The following DNAAF4 variants were observed in gnomAD, a reference collection of about 807,000 sequenced individuals.
DNAAF4 encodes dynein axonemal assembly factor 4.
Under a neutral mutation model 51.8 loss-of-function variants are expected in DNAAF4, and 43 were observed. That is an observed-to-expected ratio of 0.83 (90% CI 0.65 to 1.07). The LOEUF (loss-of-function observed/expected upper bound fraction) is 1.07. Among genes scored for constraint, DNAAF4 ranks in the 50% least tolerant of loss-of-function variants. The pLI, the probability that DNAAF4 is intolerant of heterozygous loss-of-function variation, is 0.00. For missense variants in DNAAF4, 581 were observed against 493.0 expected, an observed-to-expected ratio of 1.18 and a Z score of -1.69; for synonymous variants, 194 against 165.6, an observed-to-expected ratio of 1.17 and a Z score of -1.32.
At chr15:55,460,787 C>T (rs1228555410) in intron 5 of DNAAF4, among the ~76,000 whole-genome samples, 6 of 147,400 alleles carry the variant, frequency 4.1e-5, no homozygotes, top group East Asian at 3.9e-4. Flanking sequence ...TTTTTTGAGA[C>T]AGAGCCTCGC....
intron 5 of DNAAF4, among the ~76,000 whole-genome samples, chr15:55,465,391 TATACACAC>T (rs1282715214): frequency 2.0e-5 from 3 of 147,838 alleles, no homozygotes; most frequent in African/African-American, 7.6e-5. Flanking sequence ...ATGGTGTATA[TATACACAC>T]ACACACACAC....
At chr15:55,473,265 ATATATGTG>A (rs2058287530) in intron 4 of DNAAF4, among the ~76,000 whole-genome samples, 2 of 35,716 alleles carry the variant, frequency 5.6e-5, no homozygotes, top group East Asian at 6.3e-3. Flanking sequence ...ATATATGTGT[ATATATGTG>A]TATATATATG....
At chr15:55,486,878 T>C (rs1214651930) in intron 4 of DNAAF4, among the ~76,000 whole-genome samples, 1 of 152,188 alleles carries the variant, frequency 6.6e-6, no homozygotes, top group African/African-American at 2.4e-5. Flanking sequence ...CATTGTATTA[T>C]TAACCTTTCC....
At chr15:55,482,940 C>T (rs1257897909) in intron 4 of DNAAF4, among the ~76,000 whole-genome samples, 1 of 152,142 alleles carries the variant, frequency 6.6e-6, no homozygotes, top group South Asian at 2.1e-4. Context: ...CCCATAAAGA[C>T]TGATGGGCAT....
chr15:55,445,248 C>G lies in DNAAF4; in HGVS notation c.783+4974G>C, dbSNP rs550798103. On this transcript the variant is annotated intron_variant, in intron 6 of 9. Coordinates refer to ENST00000321149, the MANE Select transcript of DNAAF4 (RefSeq NM_130810.4). ...ATTAGGGAGTGGTGATGACTCTTAACGAGCATGCTGCCTTCAAGCGTCTGT... is the reference window on the plus strand; with the variant it reads ...ATTAGGGAGTGGTGATGACTCTTAAGGAGCATGCTGCCTTCAAGCGTCTGT... Among the ~76,000 whole-genome samples the G allele has an allele frequency of 3.4e-3, 522 of 151,940 alleles. 3 individuals carry two copies. Among genetic ancestry groups the G allele is most frequent in the Middle Eastern group, 0.02 (6 of 294 alleles).
At chr15:55,450,562 G>T (rs1331498336) in intron 5 of DNAAF4, among the ~76,000 whole-genome samples, 195 bp from the exon 6 acceptor site, 2 of 152,018 alleles carry the variant, frequency 1.3e-5, no homozygotes, top group African/African-American at 4.8e-5. Flanking sequence ...CTTTATCAAT[G>T]GCCTCAGCTA....
rs916035753 is a variant in DNAAF4, at chr15:55,480,858, C to G, written c.405+10265G>C. 2.0e-5 allele frequency among the ~76,000 whole-genome samples: 3 copies of G among 152,084 alleles called. No homozygotes were observed. In the East Asian group the frequency reaches 5.8e-4, roughly 29 times the overall value. On this transcript the variant is annotated intron_variant, in intron 4 of 9. Coordinates refer to ENST00000321149, the MANE Select transcript of DNAAF4 (RefSeq NM_130810.4). ...GACTGATAAGGTTGGGCTCTGTATC[C>G]CCACCCAAATCTCACCTTGGATTGT...
rs140281814 is a variant in DNAAF4, at chr15:55,451,919, C to A, written c.638-1552G>T. Among the ~76,000 whole-genome samples the A allele has an allele frequency of 8.0e-3, 1,212 of 152,086 alleles. 14 individuals carry two copies. The highest frequency in any genetic ancestry group is 0.027 in the African/African-American group (1,140 of 41,482). On this transcript the variant is annotated intron_variant, in intron 5 of 9. Transcript: ENST00000321149. Reference sequence around the variant, plus strand: ...TACAGGTGTAAGCCACCACACCCAGCCTGTAAATAATATTTTTAAATAGTA... The same window carrying A: ...TACAGGTGTAAGCCACCACACCCAGACTGTAAATAATATTTTTAAATAGTA...
At chr15:55,505,587 TA>T (rs1429273979) in intron 1 of DNAAF4, among the ~76,000 whole-genome samples, 6 of 152,022 alleles carry the variant, frequency 3.9e-5, no homozygotes, top group African/African-American at 1.2e-4. Flanking sequence ...TATGCAGCCA[TA>T]AAAAAGGAGG....
chr15:55,502,942 A>G (rs559917738), intron 1 of DNAAF4, among the ~76,000 whole-genome samples: 1 of 152,306 alleles, frequency 6.6e-6, no homozygotes, highest in Non-Finnish European at 1.5e-5. Flanking sequence ...ACTGAAGGAG[A>G]TAGAGACACA....
intron 8 of DNAAF4, among the ~76,000 whole-genome samples, chr15:55,433,898 T>TAATATATGTTATATATATTAC (rs1471081823): frequency 5.6e-4 from 25 of 44,792 alleles, no homozygotes; most frequent in African/African-American, 3.8e-3. Flanking sequence ...ATATATATTA[T>TAATATATGTTATATATATTAC]ATATATTATA....
chr15:55,418,400 T>C (rs1340223655), intron 7 of DNAAF4: 1 of 1,533,376 alleles, frequency 6.5e-7, no homozygotes, highest in Non-Finnish European at 8.7e-7. Context: ...TTCAAGTCAT[T>C]ATGGTGAATT....
chr15:55,425,678 C>T (rs1180823672), downstream of DNAAF4, among the ~76,000 whole-genome samples: 3 of 152,066 alleles, frequency 2.0e-5, no homozygotes. Context: ...TAGACAATAT[C>T]TCTGTATTAG....
intron 7 of DNAAF4, among the ~76,000 whole-genome samples, chr15:55,419,876 C>G (rs1182533181): frequency 6.6e-6 from 1 of 151,960 alleles, no homozygotes; most frequent in African/African-American, 2.4e-5. Flanking sequence ...GCGGCGGGTG[C>G]CTGTAATCCC....
intron 5 of DNAAF4, among the ~76,000 whole-genome samples, chr15:55,457,447 C>T (rs921569853): frequency 6.6e-6 from 1 of 152,272 alleles, no homozygotes; most frequent in Middle Eastern, 3.4e-3. Context: ...CTTGCCCCCA[C>T]CTGATGGGGC....
intron 4 of DNAAF4, among the ~76,000 whole-genome samples, chr15:55,480,408 A>G (rs573242628): frequency 1.3e-5 from 2 of 152,276 alleles, no homozygotes; most frequent in South Asian, 4.2e-4. Context: ...TGGGAAAAGG[A>G]AAACAACAAG....
At chr15:55,454,440 C>T (rs745631366) in intron 5 of DNAAF4, among the ~76,000 whole-genome samples, 27 of 151,998 alleles carry the variant, frequency 1.8e-4, no homozygotes, top group Non-Finnish European at 3.4e-4. Context: ...TGCAGTGGCA[C>T]GATCTTGGCT....
chr15:55,457,386 T>C (rs1252863696), intron 5 of DNAAF4, among the ~76,000 whole-genome samples: 1 of 152,078 alleles, frequency 6.6e-6, no homozygotes, highest in Admixed American at 6.6e-5. Context: ...ACCCCCACTG[T>C]GGCCACAGCA....
At chr15:55,474,515 C>G (rs1361360228) in intron 4 of DNAAF4, among the ~76,000 whole-genome samples, 2 of 152,000 alleles carry the variant, frequency 1.3e-5, no homozygotes, top group Admixed American at 6.6e-5. Context: ...GCCTGGGCGA[C>G]AGCGTGAGGC....
Sources: gnomAD v4.1 joint callset for allele counts (sites outside exome capture counted in the v4.1 genomes callset) on GRCh38, gnomAD v4.1.1 for gene constraint, MANE v1.5 for transcripts, NCBI Gene and HGNC (gene_info 2026-07-23, HGNC 2026-07-21) for gene names.